The following HDLBP variants were observed in gnomAD, a reference collection of about 807,000 sequenced individuals.
HDLBP encodes the protein high density lipoprotein binding protein.
HDLBP carries 30 observed loss-of-function variants against 137.3 expected under a neutral mutation model. That is an observed-to-expected ratio of 0.22 (90% CI 0.16 to 0.30). The LOEUF (loss-of-function observed/expected upper bound fraction) is 0.30. Among genes scored for constraint, HDLBP ranks in the 10% least tolerant of loss-of-function variants. The probability of loss-of-function intolerance (pLI) is 1.00; values close to 1 mark genes in which losing one functional copy is unlikely to be tolerated. For missense variants in HDLBP, 1,119 were observed against 1,667.3 expected, an observed-to-expected ratio of 0.67 and a Z score of 5.73; for synonymous variants, 606 against 596.0, an observed-to-expected ratio of 1.02 and a Z score of -0.24.
At chr2:241,304,697 G>A (rs1013408171) in intron 1 of HDLBP, among the ~76,000 whole-genome samples, 19 of 152,302 alleles carry the variant, frequency 1.2e-4, no homozygotes, top group African/African-American at 3.8e-4. Flanking sequence ...TTTCAGCACC[G>A]AATACCTATC....
intron 10 of HDLBP, 90 bp downstream of exon 10, chr2:241,253,303 A>G: frequency 1.1e-6 from 1 of 886,592 alleles, no homozygotes; most frequent in Non-Finnish European, 1.9e-6. Context: ...GTGCCCGGAC[A>G]TGTGGGATGT....
At position 241,230,610 on chromosome 2, in the gene HDLBP, G is replaced by A. The variant is rs372829429; in HGVS notation, c.3474+149C>T. The A allele has an allele frequency of 7.2e-6, 5 of 699,258 alleles. No homozygotes were observed. The highest frequency in any genetic ancestry group is 3.6e-5 in the African/African-American group (2 of 56,302). 43.3% of individuals were successfully genotyped at this position (699,258 alleles called of 1,614,324 possible). ...CACAGGCCGTCGCCTGCACTGACCC[G>A]TGGTGTCCATGAGGACAGTTCCACT... On this transcript the variant is annotated intron_variant, in intron 25 of 27. Coordinates refer to ENST00000310931, the MANE Select transcript of HDLBP (RefSeq NM_005336.6). The surrounding 1 kb of genome is among the most constrained non-coding windows in gnomAD (Gnocchi z 5.0).
intron 3 of HDLBP, 129 bp from the exon 4 acceptor site, chr2:241,264,734 A>C (rs1242581282): frequency 3.6e-6 from 3 of 841,576 alleles, no homozygotes; most frequent in African/African-American, 3.4e-5. Context: ...AACTCCCCCC[A>C]CCCCTCTCTT....
chr2:241,235,412 T>C, intron 22 of HDLBP, 78 bp downstream of exon 22: 2 of 1,465,232 alleles, frequency 1.4e-6, no homozygotes, highest in East Asian at 2.3e-5. Flanking sequence ...CAACAGGAAG[T>C]TGAGAAAGGA....
chr2:241,273,852 GT>G lies in HDLBP; in HGVS notation c.-102-5312del, dbSNP rs35026687. Among the ~76,000 whole-genome samples, 1,038 of 139,110 alleles carry G rather than the reference GT, an allele frequency of 7.5e-3. 8 individuals carry two copies. Among genetic ancestry groups the G allele is most frequent in the African/African-American group, 0.021 (814 of 38,310 alleles). 91.3% of individuals were successfully genotyped at this position (139,110 alleles called of 152,430 possible). A position where few individuals can be genotyped will look rare whatever the true frequency, so the allele number is the denominator to read the frequency against. The stretch of plus-strand genomic sequence containing the variant: ...AGCAGCAGAAGGCAGGATCAGACGT[GT>G]TTTTTTTTTTTTCGTGGAACACTGA... On this transcript the variant is annotated intron_variant, in intron 1 of 27. Transcript: ENST00000310931.
intron 1 of HDLBP, among the ~76,000 whole-genome samples, chr2:241,297,983 G>T (rs1374176157): frequency 6.9e-6 from 1 of 145,058 alleles, no homozygotes; most frequent in Non-Finnish European, 1.5e-5. Context: ...AGGAGGCAGA[G>T]GTTGCAGTGA....
At position 241,272,363 on chromosome 2, in the gene HDLBP, G is replaced by A. The variant is rs1337516637; in HGVS notation, c.-102-3822C>T. 1 of 984,060 alleles carries A rather than the reference G, an allele frequency of 1.0e-6. No individual in the cohort carries two copies. Among genetic ancestry groups the A allele is most frequent in the Non-Finnish European group, 1.2e-6 (1 of 829,562 alleles). The allele number at this position is 984,060 out of a possible 1,614,324, so 61.0% of individuals were successfully genotyped here. A position where few individuals can be genotyped will look rare whatever the true frequency, so the allele number is the denominator to read the frequency against. ...CCGGCCCCGCCAACGTCAGCGACCT[G>A]GGCTCAGGTCGGCCGCCCCTCCGCG... On this transcript the variant is annotated intron_variant, in intron 1 of 27. Coordinates refer to ENST00000310931, the MANE Select transcript of HDLBP (RefSeq NM_005336.6). The surrounding 1 kb of genome is among the most constrained non-coding windows in gnomAD (Gnocchi z 5.6).
chr2:241,287,423 T>TC (rs1271870356), intron 1 of HDLBP, among the ~76,000 whole-genome samples: 2 of 149,300 alleles, frequency 1.3e-5, no homozygotes, highest in South Asian at 4.3e-4. Context: ...TTTCTTTCTT[T>TC]TTTTTTTTTT....
At chr2:241,284,109 C>T (rs1258788077) in intron 1 of HDLBP, among the ~76,000 whole-genome samples, 2 of 152,136 alleles carry the variant, frequency 1.3e-5, no homozygotes, top group Non-Finnish European at 2.9e-5. Flanking sequence ...TGGAGATGTA[C>T]AAGGAGATGA....
chr2:241,271,226 GATCA>G (rs1390130059), intron 1 of HDLBP: 3 of 702,806 alleles, frequency 4.3e-6, no homozygotes, highest in Admixed American at 6.3e-5. Flanking sequence ...AGGAAGCTCG[GATCA>G]ATCAGTGTCC....
intron 4 of HDLBP, 48 bp downstream of exon 4, chr2:241,264,400 A>T: frequency 7.5e-7 from 1 of 1,336,858 alleles, no homozygotes; most frequent in Non-Finnish European, 1.0e-6. Flanking sequence ...AAATTTACAT[A>T]GACATGTTAC....
rs925570163 is a variant in HDLBP, at chr2:241,299,864, G to A, written c.-103+15706C>T. 2.6e-5 allele frequency among the ~76,000 whole-genome samples: 4 copies of A among 151,952 alleles called. No homozygotes were observed. In the South Asian group the frequency reaches 8.4e-4, roughly 32 times the overall value. ...CAGGAGGCAGAGCTTGCAGTGAGCC[G>A]AGATCCCACCACTGCACTCCAGCCT... On this transcript the variant is annotated intron_variant, in intron 1 of 27. Transcript: ENST00000310931.
chr2:241,272,504 C>A lies in HDLBP; in HGVS notation c.-102-3963G>T, dbSNP rs1244371159. On this transcript the variant is annotated intron_variant, in intron 1 of 27. Coordinates refer to ENST00000310931, the MANE Select transcript of HDLBP (RefSeq NM_005336.6). This position sits in a 1 kb window ranked among gnomAD's most constrained non-coding sequence, Gnocchi z 5.6. ...CACCGGACTTGAGAAAGTTTGTGCG[C>A]GCCCCTCCGCGCCACGGCCACGCGC... 1 of 984,604 alleles carries A rather than the reference C, an allele frequency of 1.0e-6. No individual in the cohort carries two copies. The highest frequency in any genetic ancestry group is 1.2e-6 in the Non-Finnish European group (1 of 829,716). 61.0% of individuals were successfully genotyped at this position (984,604 alleles called of 1,614,324 possible). A position where few individuals can be genotyped will look rare whatever the true frequency, so the allele number is the denominator to read the frequency against.
chr2:241,242,668 G>A lies in HDLBP; in HGVS notation c.1961C>T (p.Ala654Val). The change falls in exon 17 of 28, where the codon GCC (alanine) becomes GTC (valine). Residue 654 changes from alanine (A) to valine (V), a missense_variant. Coordinates refer to ENST00000310931, the MANE Select transcript of HDLBP (RefSeq NM_005336.6). ...LSIQKDLANI[A>V]EVEVSIPAKL... Reference sequence around the variant, plus strand: ...GGCAGGGATGGAGACCTCTACCTCGGCTATGTTGGCCTGAAACCAAACACA... The same window carrying A: ...GGCAGGGATGGAGACCTCTACCTCGACTATGTTGGCCTGAAACCAAACACA... 6.2e-7 allele frequency: 1 copy of A among 1,613,420 alleles called. No homozygotes were observed. The highest frequency in any genetic ancestry group is 8.5e-7 in the Non-Finnish European group (1 of 1,179,716).
At chr2:241,302,423 T>C (rs952173423) in intron 1 of HDLBP, among the ~76,000 whole-genome samples, 8 of 152,090 alleles carry the variant, frequency 5.3e-5, no homozygotes, top group African/African-American at 1.9e-4. Context: ...CCAGGCACCC[T>C]ATAGTCCTAG....
At chr2:241,242,735 G>A in intron 16 of HDLBP, 57 bp from the exon 17 acceptor site, 2 of 1,394,340 alleles carry the variant, frequency 1.4e-6, no homozygotes, top group Non-Finnish European at 2.0e-6. Context: ...AAAAAGGGCA[G>A]AGGAAAAGAT....
At chr2:241,253,348 C>G (rs201230947) in intron 10 of HDLBP, 45 bp downstream of exon 10, 2 of 1,332,572 alleles carry the variant, frequency 1.5e-6, no homozygotes, top group Non-Finnish European at 2.2e-6. Flanking sequence ...CAACTCAGAG[C>G]CTCCCTTGTC....
intron 1 of HDLBP, among the ~76,000 whole-genome samples, chr2:241,312,523 A>G (rs958616398): frequency 1.3e-5 from 2 of 152,242 alleles, no homozygotes; most frequent in African/African-American, 2.4e-5. Flanking sequence ...CTGACACATT[A>G]TACTGGTTGG....
At chr2:241,313,797 G>A (rs533609646) in intron 1 of HDLBP, among the ~76,000 whole-genome samples, 1 of 152,306 alleles carries the variant, frequency 6.6e-6, no homozygotes, top group South Asian at 2.1e-4. Context: ...GCCCACTGGA[G>A]AGGACACTGT....
Sources: gnomAD v4.1 joint callset for allele counts (sites outside exome capture counted in the v4.1 genomes callset) on GRCh38, gnomAD v4.1.1 for gene constraint, Gnocchi (gnomAD v3.1) non-coding constraint, MANE v1.5 for transcripts, NCBI Gene and HGNC (gene_info 2026-07-23, HGNC 2026-07-21) for gene names.